Variants in SCN7A observed in about 807,000 individuals in gnomAD.
The protein encoded by SCN7A is sodium voltage-gated channel alpha subunit 7, also known as sodium channel protein type 7 subunit alpha.
In SCN7A, 138 loss-of-function variants were observed where a neutral mutation model predicts 155.2. The observed-to-expected ratio is 0.89, with a 90% CI of 0.77 to 1.02. SCN7A has a LOEUF of 1.02. Ranked by LOEUF, SCN7A falls within the 50% of genes least tolerant of loss-of-function variation. SCN7A has a pLI of 0.00. For missense variants in SCN7A, 2,058 were observed against 1,986.6 expected, an observed-to-expected ratio of 1.04 and a Z score of -0.68; for synonymous variants, 693 against 649.0, an observed-to-expected ratio of 1.07 and a Z score of -1.03.
At chr2:166,426,359 C>T (rs7578830) in intron 18 of SCN7A, among the ~76,000 whole-genome samples, 5 of 151,856 alleles carry the variant, frequency 3.3e-5, no homozygotes, top group Admixed American at 6.6e-5. Context: ...AGCCCCCTAG[C>T]GGGTATTTGT....
intron 18 of SCN7A, 144 bp from the exon 19 acceptor site, chr2:166,423,576 A>G (rs1358931251): frequency 4.7e-5 from 40 of 843,814 alleles, no homozygotes; most frequent in Non-Finnish European, 6.5e-5. Context: ...CTGGTTCACT[A>G]TGCTTGTACT....
At chr2:166,470,193 C>T (rs1016828831) in intron 7 of SCN7A, among the ~76,000 whole-genome samples, 10 of 151,690 alleles carry the variant, frequency 6.6e-5, no homozygotes, top group Non-Finnish European at 1.5e-4. Flanking sequence ...TCCAAGCACT[C>T]AAAGCAAAGG....
intron 9 of SCN7A, among the ~76,000 whole-genome samples, chr2:166,463,031 T>C (rs1417200031): frequency 6.6e-6 from 1 of 152,252 alleles, no homozygotes; most frequent in African/African-American, 2.4e-5. Flanking sequence ...TATCTGAACA[T>C]CAGAGTGAAG....
chr2:166,467,363 C>T (rs1189102503), intron 7 of SCN7A, among the ~76,000 whole-genome samples: 1 of 151,452 alleles, frequency 6.6e-6, no homozygotes, highest in Non-Finnish European at 1.5e-5. Flanking sequence ...TGTCATGAGT[C>T]CTTAGTATAT....
At chr2:166,461,227 G>C (rs1702401355) in intron 10 of SCN7A, among the ~76,000 whole-genome samples, 1 of 151,740 alleles carries the variant, frequency 6.6e-6, no homozygotes, top group Non-Finnish European at 1.5e-5. Context: ...AATTTATCAA[G>C]TCAACCAAAA....
intron 18 of SCN7A, among the ~76,000 whole-genome samples, chr2:166,427,514 C>T (rs1270726951): frequency 6.6e-6 from 1 of 151,944 alleles, no homozygotes; most frequent in Non-Finnish European, 1.5e-5. Flanking sequence ...TATTCACATT[C>T]CATTTCCCAC....
chr2:166,478,967 CTT>C (rs1414176888), intron 2 of SCN7A, among the ~76,000 whole-genome samples: 2 of 152,036 alleles, frequency 1.3e-5, no homozygotes, highest in African/African-American at 4.8e-5. Context: ...AAAATTTACT[CTT>C]CCAATGATTC....
At chr2:166,469,071 T>A (rs888985766) in intron 7 of SCN7A, among the ~76,000 whole-genome samples, 24 of 151,580 alleles carry the variant, frequency 1.6e-4, no homozygotes, top group Admixed American at 1.5e-3. Flanking sequence ...AAATTTTTTT[T>A]AAGTTTTTTC....
intron 18 of SCN7A, 106 bp from the exon 19 acceptor site, chr2:166,423,538 G>A: frequency 1.1e-5 from 14 of 1,244,998 alleles, no homozygotes; most frequent in Non-Finnish European, 1.4e-5. Context: ...CATATGGTGA[G>A]CACTGTCAGA....
At chr2:166,430,117 T>G (rs1477481476) in intron 16 of SCN7A, among the ~76,000 whole-genome samples, 1 of 152,018 alleles carries the variant, frequency 6.6e-6, no homozygotes, top group Non-Finnish European at 1.5e-5. Context: ...CATTTTAACA[T>G]TTGGAATGAA....
chr2:166,460,271 C>T (rs1022853050), intron 10 of SCN7A, among the ~76,000 whole-genome samples: 2 of 152,042 alleles, frequency 1.3e-5, no homozygotes, highest in African/African-American at 4.8e-5. Context: ...TTAATTCATA[C>T]ATTTTGGGGG....
At chr2:166,479,579 C>G (rs1702875004) in intron 2 of SCN7A, among the ~76,000 whole-genome samples, 1 of 152,086 alleles carries the variant, frequency 6.6e-6, no homozygotes, top group African/African-American at 2.4e-5. Flanking sequence ...GAATGGCTTC[C>G]TTTTCTTACA....
Position 166,405,441 on chromosome 2 carries a change from T to C in SCN7A, c.*139A>G, listed in dbSNP as rs937866320. The C allele has an allele frequency of 3.1e-6, 2 of 641,732 alleles. No individual in the cohort carries two copies. Among genetic ancestry groups the C allele is most frequent in the East Asian group, 5.4e-5 (2 of 36,770 alleles). The allele number at this position is 641,732 out of a possible 1,614,324, so 39.8% of individuals were successfully genotyped here. On this transcript the variant is annotated 3_prime_UTR_variant, in exon 26 of 26. Coordinates refer to ENST00000643258, the MANE Select transcript of SCN7A (RefSeq NM_002976.4). ...ATAATGCTAAAAAGTGAATTTGGCA[T>C]GAAGTCTTGTGAATACAAGCTTAAT...
At chr2:166,412,394 T>A in intron 23 of SCN7A, 136 bp downstream of exon 23, 2 of 1,042,248 alleles carry the variant, frequency 1.9e-6, no homozygotes, top group Non-Finnish European at 2.5e-6. Context: ...TTAATCATGA[T>A]TTTTTAAGAT....
At chr2:166,411,307 G>A (rs542608099) in intron 23 of SCN7A, among the ~76,000 whole-genome samples, 5 of 152,160 alleles carry the variant, frequency 3.3e-5, no homozygotes, top group African/African-American at 1.2e-4. Flanking sequence ...AGACCGGGAT[G>A]TGAATCATCC....
At chr2:166,484,343 T>C (rs12992425) in intron 2 of SCN7A, among the ~76,000 whole-genome samples, 42,810 of 151,700 alleles carry the variant, frequency 0.28, 6,638 homozygotes, top group Non-Finnish European at 0.35. Flanking sequence ...AATTAAACTG[T>C]ATGTATGTGT....
At chr2:166,414,400 C>A (rs1252539498) in intron 21 of SCN7A, 1 of 132,720 alleles carries the variant, frequency 7.5e-6, no homozygotes, top group African/African-American at 2.8e-5. Context: ...ATTTTTACCA[C>A]CACTGATCAA....
rs757030005 is a variant in SCN7A at position 166,406,655 on chromosome 2, G to T, written c.3983-9C>A. 5 of 1,561,442 alleles carry T rather than the reference G, an allele frequency of 3.2e-6. No homozygotes were observed. Among genetic ancestry groups the T allele is most frequent in the South Asian group, 1.2e-5 (1 of 84,534 alleles). On this transcript the variant is annotated splice_polypyrimidine_tract_variant and intron_variant, in intron 25 of 25. Coordinates refer to ENST00000643258, the MANE Select transcript of SCN7A (RefSeq NM_002976.4). ...CATAGGCAGACATAGTCCTGGGGGT[G>T]GGAAAGATAAAGCAGGCTATACATT...
intron 10 of SCN7A, among the ~76,000 whole-genome samples, chr2:166,457,732 CTTT>C (rs1197062310): frequency 6.6e-6 from 1 of 152,048 alleles, no homozygotes; most frequent in Non-Finnish European, 1.5e-5. Flanking sequence ...CACTGACTAG[CTTT>C]TTATTTCATA....
Sources: gnomAD v4.1 joint callset for allele counts (sites outside exome capture counted in the v4.1 genomes callset) on GRCh38, gnomAD v4.1.1 for gene constraint, MANE v1.5 for transcripts, NCBI Gene and HGNC (gene_info 2026-07-23, HGNC 2026-07-21) for gene names.